The following GRAMD1B variants were observed in gnomAD, a reference collection of about 807,000 sequenced individuals.
The protein encoded by GRAMD1B is protein Aster-B.
A neutral mutation model predicts 99.7 loss-of-function variants in GRAMD1B; 37 were observed. The ratio of observed to expected loss-of-function variants is 0.37; its 90% CI spans 0.29 to 0.49. The LOEUF is 0.49. Ranked by LOEUF, GRAMD1B falls within the 20% of genes least tolerant of loss-of-function variation. The pLI is 0.98. For missense variants in GRAMD1B, 888 were observed against 1,009.2 expected (o/e 0.88, Z 1.63); for synonymous variants, 427 against 387.6 (o/e 1.10, Z -1.19).
chr11:123,554,942 C>T (rs1037665502), intron 2 of GRAMD1B, among the ~76,000 whole-genome samples: 1 of 152,158 alleles, frequency 6.6e-6, no homozygotes, highest in African/African-American at 2.4e-5. Context: ...GTGTATGGCA[C>T]AGAGGCTCTA....
At chr11:123,536,975 C>G (rs978086165) in intron 2 of GRAMD1B, among the ~76,000 whole-genome samples, 2 of 152,214 alleles carry the variant, frequency 1.3e-5, no homozygotes, top group African/African-American at 4.8e-5. Flanking sequence ...CTCAGACCTT[C>G]GGGGGCTTCA....
intron 2 of GRAMD1B, among the ~76,000 whole-genome samples, chr11:123,519,083 C>T (rs1941950136): frequency 6.6e-6 from 1 of 152,248 alleles, no homozygotes. Context: ...CGGGTGCCTG[C>T]CCTGCACAGC....
intron 1 of GRAMD1B, among the ~76,000 whole-genome samples, chr11:123,367,438 T>C (rs1027749927): frequency 1.3e-5 from 2 of 151,828 alleles, no homozygotes; most frequent in Non-Finnish European, 2.9e-5. Context: ...TCAGAAGAGG[T>C]TATATTTGAG....
At chr11:123,609,683 G>T (rs1592263226) in intron 12 of GRAMD1B, 112 bp from the exon 13 acceptor site, 2 of 637,040 alleles carry the variant, frequency 3.1e-6, no homozygotes, top group Non-Finnish European at 5.5e-6. Flanking sequence ...GCTTCCTTTT[G>T]GGGGCCAGGC....
chr11:123,383,511 A>C (rs1247867533), intron 1 of GRAMD1B, among the ~76,000 whole-genome samples: 1 of 152,202 alleles, frequency 6.6e-6, no homozygotes, highest in Non-Finnish European at 1.5e-5. Flanking sequence ...CAGTATCTTC[A>C]TCTCCCAGTA....
chr11:123,506,604 C>G lies in GRAMD1B; in HGVS notation c.452+25711C>G, dbSNP rs562691574. ...GCAGAAGAGGGAGCTTCTCTGGTCTCTAGTTCAAAAAGCAAAAAGCAAATA... is the reference window on the plus strand; with the variant it reads ...GCAGAAGAGGGAGCTTCTCTGGTCTGTAGTTCAAAAAGCAAAAAGCAAATA... On this transcript the variant is annotated intron_variant, in intron 2 of 19. Coordinates refer to ENST00000635736, the MANE Select transcript of GRAMD1B (RefSeq NM_001387025.1). Among the ~76,000 whole-genome samples the G allele has an allele frequency of 6.6e-5, 10 of 152,194 alleles. No individual in the cohort carries two copies. In the South Asian group the frequency reaches 1.7e-3, roughly 25 times the overall value.
At chr11:123,363,695 T>C (rs1170039129) in intron 1 of GRAMD1B, among the ~76,000 whole-genome samples, 7 of 152,224 alleles carry the variant, frequency 4.6e-5, no homozygotes, top group East Asian at 1.9e-4. Flanking sequence ...GAACTTGCCC[T>C]GAGTGGAAGC....
chr11:123,577,613 C>T, intron 3 of GRAMD1B, 36 bp downstream of exon 3: 2 of 1,490,602 alleles, frequency 1.3e-6, no homozygotes, highest in Non-Finnish European at 1.8e-6. Flanking sequence ...ACCTCCTTGT[C>T]AGGGGCTGCG....
At chr11:123,511,089 C>T (rs141537235) in intron 2 of GRAMD1B, among the ~76,000 whole-genome samples, 183 of 152,056 alleles carry the variant, frequency 1.2e-3, no homozygotes, top group African/African-American at 4.3e-3. Flanking sequence ...CTCTCTCTCT[C>T]TGTCTTCTTC....
chr11:123,453,670 C>T (rs1949989633), intron 1 of GRAMD1B, among the ~76,000 whole-genome samples: 1 of 152,138 alleles, frequency 6.6e-6, no homozygotes, highest in Non-Finnish European at 1.5e-5. Context: ...AGGCTAAGTA[C>T]TTTTTGGTCC....
chr11:123,565,404 G>A (rs1947252246), intron 2 of GRAMD1B, among the ~76,000 whole-genome samples: 1 of 152,140 alleles, frequency 6.6e-6, no homozygotes. Flanking sequence ...ATATCATGTG[G>A]ATACAAACAA....
intron 19 of GRAMD1B, chr11:123,619,657 C>T (rs1350011467): frequency 3.7e-6 from 1 of 272,486 alleles, no homozygotes; most frequent in African/African-American, 2.3e-5. Flanking sequence ...CACTGATAGT[C>T]TGGGAAGATG....
rs186090443 is a variant in GRAMD1B at position 123,438,128 on chromosome 11, T to G, written c.374+6962T>G. 5.0e-3 allele frequency among the ~76,000 whole-genome samples: 769 copies of G among 152,326 alleles called. 4 individuals are homozygous for G. Among genetic ancestry groups the G allele is most frequent in the African/African-American group, 0.018 (740 of 41,580 alleles). ...ATTCCTTGAGGGCAGGGACCGGTCT[T>G]ACTTTGTGCCAAGTTTTCTGCCAAG... On this transcript the variant is annotated intron_variant, in intron 1 of 19. Transcript: ENST00000635736.
intron 9 of GRAMD1B, among the ~76,000 whole-genome samples, chr11:123,604,404 G>C (rs1356310901): frequency 6.6e-6 from 1 of 152,200 alleles, no homozygotes; most frequent in South Asian, 2.1e-4. Flanking sequence ...TGGCAGCCAC[G>C]GGAAGGAAGT....
chr11:123,580,040 C>T (rs984269058), intron 3 of GRAMD1B, among the ~76,000 whole-genome samples: 9 of 152,200 alleles, frequency 5.9e-5, no homozygotes, highest in African/African-American at 2.2e-4. Context: ...AGTTTTCTGA[C>T]ATTGGTTACC....
At chr11:123,572,848 T>C (rs1948273922) in intron 2 of GRAMD1B, among the ~76,000 whole-genome samples, 1 of 148,380 alleles carries the variant, frequency 6.7e-6, no homozygotes. Flanking sequence ...TAGGCCCCGA[T>C]GGCTGGGGCA....
intron 1 of GRAMD1B, among the ~76,000 whole-genome samples, chr11:123,365,632 G>A (rs982506873): frequency 2.0e-5 from 3 of 152,166 alleles, no homozygotes; most frequent in Admixed American, 2.0e-4. Flanking sequence ...GCAGGTAGGG[G>A]TCTACAAGCA....
rs536488048 is a variant in GRAMD1B at position 123,610,793 on chromosome 11, G to T, written c.1919+455G>T. 9.8e-5 allele frequency among the ~76,000 whole-genome samples: 15 copies of T among 152,318 alleles called. No individual in the cohort carries two copies. In the East Asian group the frequency reaches 2.9e-3, roughly 29 times the overall value. ...CACCATGCTGCGTGGATTGCCATTA[G>T]TGTTAGACAGTGAGCTCCACGAGGA... On this transcript the variant is annotated intron_variant, in intron 14 of 19. Coordinates refer to ENST00000635736, the MANE Select transcript of GRAMD1B (RefSeq NM_001387025.1). The surrounding 1 kb of genome is among the most constrained non-coding windows in gnomAD (Gnocchi z 4.1).
chr11:123,483,603 C>T (rs188408580), intron 2 of GRAMD1B, among the ~76,000 whole-genome samples: 41 of 152,134 alleles, frequency 2.7e-4, no homozygotes, highest in Admixed American at 2.3e-3. Flanking sequence ...TCCCTGGCTG[C>T]TCTCAACTCC....
Sources: allele counts gnomAD v4.1 joint callset (sites outside exome capture counted in the v4.1 genomes callset), GRCh38; gene constraint gnomAD v4.1.1; non-coding constraint Gnocchi (gnomAD v3.1); transcripts MANE v1.5; gene names NCBI Gene and HGNC (gene_info 2026-07-23, HGNC 2026-07-21).